Variants in REV3L observed in about 807,000 individuals in gnomAD.
REV3L encodes REV3 like, DNA directed polymerase zeta catalytic subunit, also known as DNA polymerase zeta catalytic subunit.
REV3L carries 69 observed loss-of-function variants against 299.4 expected under a neutral mutation model. The observed-to-expected ratio is 0.23, with a 90% CI of 0.19 to 0.28. The LOEUF (loss-of-function observed/expected upper bound fraction) is 0.28. Ranked by LOEUF, REV3L falls within the 10% of genes least tolerant of loss-of-function variation. REV3L has a pLI of 1.00. For missense variants in REV3L, 3,128 were observed against 3,693.8 expected (o/e 0.85, Z 3.97); for synonymous variants, 1,238 against 1,271.4 (o/e 0.97, Z 0.56).
At position 111,329,456 on chromosome 6, in the gene REV3L, G is replaced by C. The variant is rs1256638609; in HGVS notation, c.8241+76C>G. The C allele has an allele frequency of 1.6e-5, 22 of 1,363,216 alleles. No homozygotes were observed. In the East Asian group the frequency reaches 4.6e-4, roughly 29 times the overall value. 84.4% of individuals were successfully genotyped at this position (1,363,216 alleles called of 1,614,324 possible). ...CACATCTTAGCTTCCAAAGTAACTG[G>C]GAATACAGGTGAGTGCCACCGTGCC... On this transcript the variant is annotated intron_variant, in intron 25 of 31. Coordinates refer to ENST00000368802, the MANE Select transcript of REV3L (RefSeq NM_001372078.1).
chr6:111,437,333 A>C (rs1250776079), intron 1 of REV3L, among the ~76,000 whole-genome samples: 2 of 152,156 alleles, frequency 1.3e-5, no homozygotes. Context: ...GGTGAACACA[A>C]CTCAGAAGTC....
At chr6:111,426,066 T>C (rs373996247) in intron 1 of REV3L, among the ~76,000 whole-genome samples, 14 of 152,336 alleles carry the variant, frequency 9.2e-5, no homozygotes, top group African/African-American at 3.4e-4. Context: ...TGGGGGCTCC[T>C]GGATAGCCTC....
At chr6:111,338,999 T>C (rs1198920686) in intron 21 of REV3L, among the ~76,000 whole-genome samples, 1 of 152,154 alleles carries the variant, frequency 6.6e-6, no homozygotes, top group Non-Finnish European at 1.5e-5. Context: ...CTCTCTAGTT[T>C]TCAGTTTCTG....
chr6:111,369,757 G>A (rs1779591909), intron 13 of REV3L, among the ~76,000 whole-genome samples: 1 of 151,920 alleles, frequency 6.6e-6, no homozygotes, highest in Non-Finnish European at 1.5e-5. Context: ...AAATATTATG[G>A]TGGCTGTTAC....
intron 29 of REV3L, 190 bp from the exon 30 acceptor site, chr6:111,310,289 C>A (rs1028733561): frequency 1.1e-5 from 6 of 537,320 alleles, no homozygotes; most frequent in Admixed American, 4.3e-5. Flanking sequence ...GTGTAGATAT[C>A]CTACAAGAGT....
In REV3L at chr6:111,390,046, A is replaced by G. The variant is rs762564927; in HGVS notation, c.757+40T>C. 24 of 1,427,626 alleles carry G rather than the reference A, an allele frequency of 1.7e-5. No individual in the cohort carries two copies. In the East Asian group the frequency reaches 4.5e-4, roughly 27 times the overall value. The allele number at this position is 1,427,626 out of a possible 1,614,324, so 88.4% of individuals were successfully genotyped here. A position where few individuals can be genotyped will look rare whatever the true frequency, so the allele number is the denominator to read the frequency against. On this transcript the variant is annotated intron_variant, in intron 6 of 31. Transcript: ENST00000368802. ...ACCACACCCGCCGGTCATTAATTTT[A>G]AAAAATAAAAACATATATTAAGAAT...
intron 26 of REV3L, 132 bp from the exon 27 acceptor site, chr6:111,315,513 G>T (rs1773424055): frequency 9.5e-6 from 6 of 632,530 alleles, no homozygotes; most frequent in South Asian, 4.0e-5. Context: ...TACTCTTTAA[G>T]ATGCTTTCTA....
chr6:111,436,034 T>C (rs539830841), intron 1 of REV3L, among the ~76,000 whole-genome samples: 2 of 152,220 alleles, frequency 1.3e-5, no homozygotes, highest in African/African-American at 2.4e-5. Flanking sequence ...GACATAAAAA[T>C]GGCCAGACAC....
Position 111,374,611 on chromosome 6 carries a change from C to T in REV3L, c.3744G>A (p.Val1248=), listed in dbSNP as rs769683054. ...EVKFVLKHQN[V]SEFASSSGGS... ...CTCCAGAACTACTTGCAAATTCAGA[C>T]ACATTCTGGTGTTTCAGTACAAACT... The change falls in exon 13 of 32, where the codon GTG becomes GTA. Residue 1248 remains valine (V), a synonymous_variant. Coordinates refer to ENST00000368802, the MANE Select transcript of REV3L (RefSeq NM_001372078.1). 12 of 1,613,672 alleles carry T rather than the reference C, an allele frequency of 7.4e-6. No homozygotes were observed. In the Admixed American group the frequency reaches 1.3e-4, roughly 18 times the overall value.
chr6:111,359,462 G>C (rs561704215), intron 16 of REV3L, among the ~76,000 whole-genome samples: 27 of 144,298 alleles, frequency 1.9e-4, no homozygotes, highest in African/African-American at 6.8e-4. Context: ...CTACTTGAGG[G>C]CTACTTAAAC....
intron 4 of REV3L, among the ~76,000 whole-genome samples, chr6:111,402,692 G>A (rs1056323035): frequency 1.3e-5 from 2 of 152,092 alleles, no homozygotes; most frequent in African/African-American, 2.4e-5. Flanking sequence ...GAAGAAATGC[G>A]AGGAGTTAAA....
At chr6:111,353,053 A>G (rs1261042532) in intron 18 of REV3L, among the ~76,000 whole-genome samples, 1 of 152,244 alleles carries the variant, frequency 6.6e-6, no homozygotes, top group Non-Finnish European at 1.5e-5. Context: ...AAATATCACA[A>G]AAATTTAAAT....
At chr6:111,333,445 G>A (rs1775588144) in intron 22 of REV3L, 78 bp from the exon 23 acceptor site, 1 of 1,523,774 alleles carries the variant, frequency 6.6e-7, no homozygotes, top group Non-Finnish European at 8.9e-7. Context: ...ATCATTTGAG[G>A]ATAATCTGCT....
At chr6:111,383,188 G>T (rs533503266) in intron 9 of REV3L, among the ~76,000 whole-genome samples, 31 of 152,286 alleles carry the variant, frequency 2.0e-4, no homozygotes, top group South Asian at 6.2e-4. Context: ...GGGAAAAATT[G>T]AAAGCCCGTT....
At chr6:111,333,437 C>A in intron 22 of REV3L, 70 bp from the exon 23 acceptor site, 4 of 1,530,594 alleles carry the variant, frequency 2.6e-6, no homozygotes, top group Non-Finnish European at 3.6e-6. Flanking sequence ...AATATATAAT[C>A]ATTTGAGGAT....
At chr6:111,483,231 T>TG (rs1026556336), upstream of REV3L, 6 of 206,044 alleles carry the variant, frequency 2.9e-5, no homozygotes, top group African/African-American at 1.1e-4. Flanking sequence ...ACGCAACCAC[T>TG]GGGGGGAGGG....
At chr6:111,480,145 C>T (rs1793447706) in intron 1 of REV3L, among the ~76,000 whole-genome samples, 1 of 152,124 alleles carries the variant, frequency 6.6e-6, no homozygotes, top group African/African-American at 2.4e-5. Context: ...ATTTTCTCTC[C>T]AAACCAAAGT....
intron 13 of REV3L, among the ~76,000 whole-genome samples, chr6:111,370,952 T>C (rs1222470408): frequency 6.6e-6 from 1 of 152,194 alleles, no homozygotes; most frequent in Non-Finnish European, 1.5e-5. Flanking sequence ...ATGTGTAATA[T>C]TCATATTGTA....
chr6:111,433,130 T>C (rs1205615439), intron 1 of REV3L, among the ~76,000 whole-genome samples: 4 of 151,936 alleles, frequency 2.6e-5, no homozygotes, highest in Admixed American at 2.6e-4. Context: ...ATGGTATACC[T>C]GAAGGAACTA....
Sources: allele counts gnomAD v4.1 joint callset (sites outside exome capture counted in the v4.1 genomes callset), GRCh38; gene constraint gnomAD v4.1.1; transcripts MANE v1.5; gene names NCBI Gene and HGNC (gene_info 2026-07-23, HGNC 2026-07-21).